The following PDE10A variants were observed in gnomAD, a reference collection of about 807,000 sequenced individuals.
PDE10A encodes the protein cAMP and cAMP-inhibited cGMP 3',5'-cyclic phosphodiesterase 10A.
Under a neutral mutation model 97.7 loss-of-function variants are expected in PDE10A, and 39 were observed. The ratio of observed to expected loss-of-function variants is 0.40; its 90% CI spans 0.31 to 0.52. The LOEUF (loss-of-function observed/expected upper bound fraction) is 0.52. PDE10A is among the 20% of genes least tolerant of loss of function. PDE10A has a pLI of 0.56. For missense variants in PDE10A, 731 were observed against 1,047.8 expected (o/e 0.70, Z 4.17); for synonymous variants, 371 against 376.8 (o/e 0.98, Z 0.18).
At chr6:165,525,227 G>A (rs910595609) in intron 2 of PDE10A, among the ~76,000 whole-genome samples, 1 of 152,122 alleles carries the variant, frequency 6.6e-6, no homozygotes, top group East Asian at 1.9e-4. Context: ...TAAATCTGGA[G>A]AACAGGCATG....
intron 4 of PDE10A, among the ~76,000 whole-genome samples, chr6:165,449,495 CAATT>C (rs1450331749): frequency 2.0e-5 from 3 of 152,098 alleles, no homozygotes; most frequent in Non-Finnish European, 2.9e-5. Flanking sequence ...GGGACTGCCT[CAATT>C]AAACCCCTAC....
At chr6:165,384,532 C>T (rs1213439734) in intron 17 of PDE10A, among the ~76,000 whole-genome samples, 1 of 152,104 alleles carries the variant, frequency 6.6e-6, no homozygotes, top group African/African-American at 2.4e-5. Flanking sequence ...TTATCTACTG[C>T]ATCCCTATCA....
chr6:165,798,689 C>T (rs150813281), intron 1 of PDE10A, among the ~76,000 whole-genome samples: 4 of 150,572 alleles, frequency 2.7e-5, no homozygotes, highest in East Asian at 1.9e-4. Flanking sequence ...TATTAATCAT[C>T]GAGGTTAAAT....
intron 3 of PDE10A, among the ~76,000 whole-genome samples, chr6:165,481,486 T>C (rs1779604505): frequency 6.6e-6 from 1 of 152,134 alleles, no homozygotes; most frequent in Admixed American, 6.5e-5. Flanking sequence ...AAGGAATATA[T>C]CTGCATATGT....
At chr6:165,515,627 G>A (rs539287308) in intron 2 of PDE10A, among the ~76,000 whole-genome samples, 4 of 149,300 alleles carry the variant, frequency 2.7e-5, no homozygotes, top group East Asian at 2.0e-4. Context: ...GGGTTCAAAC[G>A]ATTCTCCTGC....
chr6:165,447,275 G>C (rs1357718437), intron 5 of PDE10A, among the ~76,000 whole-genome samples: 1 of 152,192 alleles, frequency 6.6e-6, no homozygotes, highest in Non-Finnish European at 1.5e-5. Context: ...CAGGGCAGGA[G>C]AGACCAGCCT....
intron 2 of PDE10A, among the ~76,000 whole-genome samples, chr6:165,505,687 A>T (rs1057204285): frequency 1.4e-4 from 21 of 152,238 alleles, no homozygotes; most frequent in African/African-American, 4.8e-4. Context: ...ACTGCACAAA[A>T]CTATTTTGGG....
intron 1 of PDE10A, among the ~76,000 whole-genome samples, chr6:165,750,236 G>A (rs147151067): frequency 6.6e-6 from 1 of 152,306 alleles, no homozygotes; most frequent in East Asian, 1.9e-4. Context: ...ACCAGTGAAT[G>A]GACTTGAACT....
chr6:165,983,030 C>T (rs1456148908), intron 1 of PDE10A, among the ~76,000 whole-genome samples: 1 of 144,256 alleles, frequency 6.9e-6, no homozygotes, highest in Non-Finnish European at 1.5e-5. Flanking sequence ...GAGCCAGCTG[C>T]TGCCCACAAG....
At chr6:165,842,299 G>A (rs1780284989) in intron 1 of PDE10A, among the ~76,000 whole-genome samples, 1 of 152,086 alleles carries the variant, frequency 6.6e-6, no homozygotes, top group Admixed American at 6.6e-5. Flanking sequence ...GTTTCATCCA[G>A]GCTGGTGATA....
intron 1 of PDE10A, among the ~76,000 whole-genome samples, chr6:165,872,147 G>A (rs1397951963): frequency 6.6e-6 from 1 of 152,142 alleles, no homozygotes; most frequent in East Asian, 1.9e-4. Context: ...CTTAGTACAT[G>A]TTTCTGTTGG....
chr6:165,688,287 G>A (rs761324192), intron 1 of PDE10A, among the ~76,000 whole-genome samples: 5 of 152,144 alleles, frequency 3.3e-5, no homozygotes, highest in Non-Finnish European at 5.9e-5. Context: ...GTCAAGAGAT[G>A]ATTGGTTTAC....
intron 1 of PDE10A, among the ~76,000 whole-genome samples, chr6:165,737,208 A>C (rs1792597147): frequency 6.6e-6 from 1 of 152,202 alleles, no homozygotes; most frequent in Admixed American, 6.5e-5. Flanking sequence ...GAGTTCTATC[A>C]AACATTTAAA....
chr6:165,337,894 C>A (rs1473290160), intron 20 of PDE10A, among the ~76,000 whole-genome samples: 1 of 151,972 alleles, frequency 6.6e-6, no homozygotes, highest in East Asian at 1.9e-4. Flanking sequence ...CCAAACAAGT[C>A]AATAAATCAA....
rs552020617 is a variant in PDE10A at position 165,385,842 on chromosome 6, G to C, written c.2610+2456C>G. Among the ~76,000 whole-genome samples, 4 of 152,246 alleles carry C rather than the reference G, an allele frequency of 2.6e-5. No homozygotes were observed. The South Asian group carries it at 8.3e-4, about 32-fold the overall frequency. On this transcript the variant is annotated intron_variant, in intron 17 of 21. Transcript: ENST00000539869. ...TCAAATTGAAGGGATTTGGTCAATCGAACATATAAATTTGTTTTCAAACTG... is the reference window on the plus strand; with the variant it reads ...TCAAATTGAAGGGATTTGGTCAATCCAACATATAAATTTGTTTTCAAACTG...
chr6:165,929,622 A>G (rs1022588739), intron 1 of PDE10A, among the ~76,000 whole-genome samples: 4 of 152,246 alleles, frequency 2.6e-5, no homozygotes, highest in African/African-American at 9.6e-5. Flanking sequence ...CTGGAAAATC[A>G]TGAAGTCGAA....
chr6:165,786,175 G>A (rs918822675), intron 1 of PDE10A, among the ~76,000 whole-genome samples: 10 of 152,154 alleles, frequency 6.6e-5, no homozygotes, highest in African/African-American at 1.9e-4. Flanking sequence ...TTAACAGAGC[G>A]CACATCTGAT....
intron 3 of PDE10A, among the ~76,000 whole-genome samples, chr6:165,456,727 A>G (rs905492467): frequency 1.3e-5 from 2 of 152,298 alleles, no homozygotes; most frequent in Middle Eastern, 3.4e-3. Flanking sequence ...GCTATGACCT[A>G]GGTTTTAAAA....
intron 6 of PDE10A, 108 bp downstream of exon 6, chr6:165,435,129 G>T: frequency 9.4e-7 from 1 of 1,067,862 alleles, no homozygotes. Context: ...TAGCTTTAAT[G>T]CTTTTTAAAA....
Sources: gnomAD v4.1 joint callset for allele counts (sites outside exome capture counted in the v4.1 genomes callset) on GRCh38, gnomAD v4.1.1 for gene constraint, MANE v1.5 for transcripts, NCBI Gene and HGNC (gene_info 2026-07-23, HGNC 2026-07-21) for gene names.